Variants in APBB2 observed in about 807,000 individuals in gnomAD.
APBB2 encodes the protein Fe65-like 1.
In APBB2, 38 loss-of-function variants were observed where a neutral mutation model predicts 82.5. The observed-to-expected ratio is 0.46, with a 90% confidence interval of 0.36 to 0.60. APBB2 has a LOEUF of 0.60. Among genes scored for constraint, APBB2 ranks in the 20% least tolerant of loss-of-function variants. The pLI is 0.00. For synonymous variants in APBB2, 341 were observed against 368.2 expected, an observed-to-expected ratio of 0.93 and a Z score of 0.85; for missense variants, 772 against 972.3, an observed-to-expected ratio of 0.79 and a Z score of 2.74.
chr4:40,830,293 C>T (rs3816099), intron 13 of APBB2, among the ~76,000 whole-genome samples, 170 bp downstream of exon 13: 29,424 of 151,844 alleles, frequency 0.19, 3,317 homozygotes, highest in African/African-American at 0.29. Flanking sequence ...TACTCAAGAG[C>T]GATGCCTGGC....
chr4:40,911,123 T>C (rs1778422265), intron 10 of APBB2, among the ~76,000 whole-genome samples: 2 of 152,294 alleles, frequency 1.3e-5, no homozygotes, highest in Middle Eastern at 3.4e-3. Context: ...ACAACATGGA[T>C]TATTTGGACT....
At chr4:40,971,237 T>C (rs1007407542) in intron 6 of APBB2, among the ~76,000 whole-genome samples, 12 of 152,220 alleles carry the variant, frequency 7.9e-5, no homozygotes, top group African/African-American at 2.9e-4. Context: ...GAAAAAAAAT[T>C]AATCCTAAAA....
At chr4:40,959,198 A>C (rs1792448201) in intron 6 of APBB2, among the ~76,000 whole-genome samples, 1 of 152,198 alleles carries the variant, frequency 6.6e-6, no homozygotes, top group Non-Finnish European at 1.5e-5. Context: ...ATCCTCTGTC[A>C]ACCTAATCTT....
intron 1 of APBB2, among the ~76,000 whole-genome samples, chr4:41,196,051 T>C: frequency 2.6e-5 from 4 of 151,602 alleles, no homozygotes; most frequent in African/African-American, 9.7e-5. Flanking sequence ...CCCAGCTACT[T>C]GGGAGGCTGA....
At chr4:41,018,353 A>G (rs910183199) in intron 5 of APBB2, among the ~76,000 whole-genome samples, 1 of 152,218 alleles carries the variant, frequency 6.6e-6, no homozygotes, top group Non-Finnish European at 1.5e-5. Flanking sequence ...ACAGAGGGTG[A>G]CGGGTGGGCA....
intron 12 of APBB2, among the ~76,000 whole-genome samples, chr4:40,861,434 G>A (rs982238861): frequency 1.3e-5 from 2 of 152,186 alleles, no homozygotes; most frequent in African/African-American, 4.8e-5. Flanking sequence ...GGCTGAGGCA[G>A]AAGGATTGCT....
At position 40,810,835 on chromosome 4, in the gene APBB2, G is replaced by A. The variant is rs938303325; in HGVS notation, c.*5257C>T. 2.0e-5 allele frequency: 3 copies of A among 152,260 alleles called. No homozygotes were observed. The highest frequency in any genetic ancestry group is 7.2e-5 in the African/African-American group (3 of 41,550). 9.4% of individuals were successfully genotyped at this position (152,260 alleles called of 1,614,324 possible). A position where few individuals can be genotyped will look rare whatever the true frequency, so the allele number is the denominator to read the frequency against. ...TATCTGGTTGGTTAGGGTAGTCCAT[G>A]CCTCAAGGAAGGCGGTGCAGCTTAA... On this transcript the variant is annotated 3_prime_UTR_variant, in exon 18 of 18. Transcript: ENST00000508593.
At chr4:40,885,444 T>G (rs1419065084) in intron 12 of APBB2, among the ~76,000 whole-genome samples, 2 of 152,210 alleles carry the variant, frequency 1.3e-5, no homozygotes, top group African/African-American at 4.8e-5. Flanking sequence ...GGGGAGGGAC[T>G]GGCGTGCTAG....
At chr4:41,077,337 T>C (rs973924554) in intron 3 of APBB2, among the ~76,000 whole-genome samples, 3 of 151,440 alleles carry the variant, frequency 2.0e-5, no homozygotes, top group Non-Finnish European at 4.4e-5. Flanking sequence ...AATAATTACA[T>C]TGGAGAAAAA....
chr4:40,810,674 G>T lies in APBB2; in HGVS notation c.*5418C>A, dbSNP rs1744239557. 2 of 149,814 alleles carry T rather than the reference G, an allele frequency of 1.3e-5. No homozygotes were observed. The highest frequency in any genetic ancestry group is 2.1e-4 in the South Asian group (1 of 4,736). 9.3% of individuals were successfully genotyped at this position (149,814 alleles called of 1,614,324 possible). A position where few individuals can be genotyped will look rare whatever the true frequency, so the allele number is the denominator to read the frequency against. Reference sequence around the variant, plus strand: ...TATTGTATTTTAAATCCCTGAAGAAGAATTCTTCATGTTATCACTCTTGTA... The same window carrying T: ...TATTGTATTTTAAATCCCTGAAGAATAATTCTTCATGTTATCACTCTTGTA... On this transcript the variant is annotated 3_prime_UTR_variant, in exon 18 of 18. Coordinates refer to ENST00000508593, the MANE Select transcript of APBB2 (RefSeq NM_004307.2).
In APBB2 at chr4:40,935,567, A is replaced by T. The variant is rs73244007; in HGVS notation, c.1045-428T>A. On this transcript the variant is annotated intron_variant, in intron 7 of 17. Coordinates refer to ENST00000508593, the MANE Select transcript of APBB2 (RefSeq NM_004307.2). ...CGGGTACCGTGTTTGTTTGGAAACTAGGGAATGCCCATGGCTGAGGGCCCC... is the reference window on the plus strand; with the variant it reads ...CGGGTACCGTGTTTGTTTGGAAACTTGGGAATGCCCATGGCTGAGGGCCCC... 2.0e-3 allele frequency: 314 copies of T among 156,146 alleles called. 1 individual carries two copies. Among genetic ancestry groups the T allele is most frequent in the Non-Finnish European group, 3.4e-3 (244 of 70,876 alleles). 9.7% of individuals were successfully genotyped at this position (156,146 alleles called of 1,614,324 possible). A position where few individuals can be genotyped will look rare whatever the true frequency, so the allele number is the denominator to read the frequency against.
At chr4:40,898,677 C>T (rs147545938) in intron 10 of APBB2, among the ~76,000 whole-genome samples, 2 of 152,084 alleles carry the variant, frequency 1.3e-5, no homozygotes, top group African/African-American at 4.8e-5. Context: ...CTGTAGACCA[C>T]GATACATACG....
chr4:40,955,511 G>T (rs926241069), intron 6 of APBB2, among the ~76,000 whole-genome samples: 3 of 152,220 alleles, frequency 2.0e-5, no homozygotes, highest in Admixed American at 2.0e-4. Flanking sequence ...GGATCTTTCT[G>T]ATCTCTTACA....
At chr4:40,928,811 G>C (rs1036979492) in intron 10 of APBB2, among the ~76,000 whole-genome samples, 1 of 151,098 alleles carries the variant, frequency 6.6e-6, no homozygotes, top group African/African-American at 2.4e-5. Context: ...CTTGAACCCA[G>C]AAGGCGGCGG....
intron 12 of APBB2, among the ~76,000 whole-genome samples, chr4:40,837,502 G>C (rs946488622): frequency 3.9e-5 from 6 of 152,172 alleles, no homozygotes; most frequent in African/African-American, 1.4e-4. Context: ...ATCTCCAAGG[G>C]CCAGAAAGAA....
chr4:41,046,657 G>A (rs1026939179), intron 4 of APBB2, among the ~76,000 whole-genome samples: 1 of 152,318 alleles, frequency 6.6e-6, no homozygotes, highest in Non-Finnish European at 1.5e-5. Context: ...AATGGGCCAA[G>A]GAAGATTTTT....
chr4:41,075,337 A>G lies in APBB2; in HGVS notation c.-148-9664T>C, dbSNP rs78573206. On this transcript the variant is annotated intron_variant, in intron 3 of 17. Transcript: ENST00000508593. ...AATCAGTTGTTATTCCTAAAATTGA[A>G]GTACTAATGAAATTTAAGGAGAAAA... Among the ~76,000 whole-genome samples the G allele has an allele frequency of 8.2e-3, 1,242 of 152,340 alleles. 29 individuals carry two copies. The highest frequency in any genetic ancestry group is 0.029 in the African/African-American group (1,195 of 41,576).
At position 40,907,376 on chromosome 4, in the gene APBB2, TA is replaced by T. The variant is rs1383402364; in HGVS notation, c.1255-13966del. On this transcript the variant is annotated intron_variant, in intron 10 of 17. Transcript: ENST00000508593. ...ATATATATATATATATATATATATA[TA>T]TATTTTTTTTTTTTTTTTTTTTTAG... Among the ~76,000 whole-genome samples, 385 of 29,752 alleles carry T rather than the reference TA, an allele frequency of 0.013. 2 individuals carry two copies. The East Asian group carries it at 0.14, about 11-fold the overall frequency. 19.5% of individuals were successfully genotyped at this position (29,752 alleles called of 152,430 possible). A position where few individuals can be genotyped will look rare whatever the true frequency, so the allele number is the denominator to read the frequency against.
At chr4:40,820,811 C>T (rs1331358035) in intron 17 of APBB2, among the ~76,000 whole-genome samples, 1 of 152,192 alleles carries the variant, frequency 6.6e-6, no homozygotes. Flanking sequence ...GGCCCAGCAC[C>T]CAACCTGCTG....
Sources: gnomAD v4.1 joint callset for allele counts (sites outside exome capture counted in the v4.1 genomes callset) on GRCh38, gnomAD v4.1.1 for gene constraint, MANE v1.5 for transcripts, NCBI Gene and HGNC (gene_info 2026-07-23, HGNC 2026-07-21) for gene names.